Variants in LMO4 observed in about 807,000 individuals in gnomAD.
LMO4 encodes the protein LIM domain transcription factor LMO4.
LMO4 carries 3 observed loss-of-function variants against 18.5 expected under a neutral mutation model. That is an observed-to-expected ratio of 0.16 (90% CI 0.07 to 0.42). The LOEUF (loss-of-function observed/expected upper bound fraction) is 0.42, where lower values mean the gene tolerates loss of function less well. Among genes scored for constraint, LMO4 ranks in the 10% least tolerant of loss-of-function variants. LMO4 has a pLI of 0.99. For synonymous variants in LMO4, 100 were observed against 88.1 expected (o/e 1.14, Z -0.76); for missense variants, 121 against 219.9 (o/e 0.55, Z 2.84).
At chr1:87,343,823 C>G (rs958276317) in intron 4 of LMO4, among the ~76,000 whole-genome samples, 32 of 152,274 alleles carry the variant, frequency 2.1e-4, no homozygotes, top group African/African-American at 7.7e-4. Flanking sequence ...GGTTGCAGTT[C>G]CTAATAGACT....
intron 4 of LMO4, among the ~76,000 whole-genome samples, chr1:87,341,519 T>G (rs948674368): frequency 2.6e-5 from 4 of 152,164 alleles, no homozygotes; most frequent in Non-Finnish European, 5.9e-5. Context: ...AAAATAGACT[T>G]TTTTGTCTTC....
At chr1:87,344,127 A>C (rs941451469) in intron 4 of LMO4, among the ~76,000 whole-genome samples, 3 of 152,238 alleles carry the variant, frequency 2.0e-5, no homozygotes, top group African/African-American at 7.2e-5. Context: ...AAATATGTGA[A>C]TATTTGTACA....
At chr1:87,337,828 G>A (rs969291738) in intron 2 of LMO4, among the ~76,000 whole-genome samples, 1 of 152,162 alleles carries the variant, frequency 6.6e-6, no homozygotes, top group Non-Finnish European at 1.5e-5. Flanking sequence ...TTCCTGAAGT[G>A]TCCAGCATTA....
At chr1:87,336,581 A>AC (rs1347923456) in intron 2 of LMO4, among the ~76,000 whole-genome samples, 8 of 152,350 alleles carry the variant, frequency 5.3e-5, no homozygotes, top group African/African-American at 1.9e-4. Context: ...TGTTGTTCAA[A>AC]CAGGAGCAAA....
At chr1:87,332,782 G>A (rs759668218) in intron 2 of LMO4, among the ~76,000 whole-genome samples, 1 of 152,164 alleles carries the variant, frequency 6.6e-6, no homozygotes, top group African/African-American at 2.4e-5. Context: ...TGAGAAAAAT[G>A]CTAATTATCC....
chr1:87,338,382 T>G (rs1650372787), intron 2 of LMO4, among the ~76,000 whole-genome samples: 1 of 152,246 alleles, frequency 6.6e-6, no homozygotes, highest in Non-Finnish European at 1.5e-5. Context: ...AATTTGTAAG[T>G]CCTCTTACTT....
rs1650675288 is a variant in LMO4, at chr1:87,347,742, GAT to G, written c.*2948_*2949del. 6.6e-6 allele frequency: 1 copy of G among 152,284 alleles called. No individual in the cohort carries two copies. The highest frequency in any genetic ancestry group is 2.1e-4 in the South Asian group (1 of 4,818). The allele number at this position is 152,284 out of a possible 1,614,324, so 9.4% of individuals were successfully genotyped here. A position where few individuals can be genotyped will look rare whatever the true frequency, so the allele number is the denominator to read the frequency against. On this transcript the variant is annotated 3_prime_UTR_variant, in exon 5 of 5. Transcript: ENST00000370544. ...TGTTAATGAAACAATTTTGTAAAAAGATAGTCCTCTAAAAGGGTTTAATGTTT... is the reference window on the plus strand; with the variant it reads ...TGTTAATGAAACAATTTTGTAAAAAGAGTCCTCTAAAAGGGTTTAATGTTT...
At chr1:87,333,560 C>T (rs1408727580) in intron 2 of LMO4, among the ~76,000 whole-genome samples, 2 of 152,110 alleles carry the variant, frequency 1.3e-5, no homozygotes, top group Non-Finnish European at 2.9e-5. Flanking sequence ...ATGTTTACCC[C>T]AGTGATATCA....
Position 87,339,554 on chromosome 1 carries a change from T to C in LMO4, c.255T>C (p.Gly85=), listed in dbSNP as rs199957130. 12 of 1,613,824 alleles carry C rather than the reference T, an allele frequency of 7.4e-6. No homozygotes were observed. In the East Asian group the frequency reaches 2.5e-4, roughly 33 times the overall value. ...NDYIRLFGNS[G]ACSACGQSIP... ...GTTTCAGGTTATTTGGAAATAGCGG[T>C]GCTTGCAGCGCTTGCGGACAGTCGA... Residue 85 remains glycine, a synonymous_variant, in exon 3 of 5, where the codon GGT becomes GGC. Transcript: ENST00000370544.
rs201285562 is a variant in LMO4 at position 87,346,658 on chromosome 1, G to GA, written c.*1872dup. On this transcript the variant is annotated 3_prime_UTR_variant, in exon 5 of 5. Transcript: ENST00000370544. ...TGTTTTCAGAGATTCCAGGGCAGGG[G>GA]AAAAAAAAAATCAGTTGAACTTCAA... 0.016 allele frequency: 2,378 copies of GA among 148,876 alleles called. 30 individuals are homozygous for GA. Among genetic ancestry groups the GA allele is most frequent in the South Asian group, 0.06 (285 of 4,728 alleles). 9.2% of individuals were successfully genotyped at this position (148,876 alleles called of 1,614,324 possible).
chr1:87,346,731 T>A lies in LMO4; in HGVS notation c.*1935T>A, dbSNP rs959210459. On this transcript the variant is annotated 3_prime_UTR_variant, in exon 5 of 5. Coordinates refer to ENST00000370544, the MANE Select transcript of LMO4 (RefSeq NM_006769.4). ...GGCATAGAGTTGAGGTGAATAGTTTTGTTAGAACCTTATAAAAATAAAATG... is the reference window on the plus strand; with the variant it reads ...GGCATAGAGTTGAGGTGAATAGTTTAGTTAGAACCTTATAAAAATAAAATG... 1.3e-5 allele frequency: 2 copies of A among 152,238 alleles called. No homozygotes were observed. Among genetic ancestry groups the A allele is most frequent in the African/African-American group, 4.8e-5 (2 of 41,452 alleles). The allele number at this position is 152,238 out of a possible 1,614,324, so 9.4% of individuals were successfully genotyped here. A position where few individuals can be genotyped will look rare whatever the true frequency, so the allele number is the denominator to read the frequency against.
Position 87,332,000 on chromosome 1 carries a change from C to G in LMO4, c.-3-13C>G, listed in dbSNP as rs372749643. ...TTGTCTTTCTCTCCCTGTCCCCTTC[C>G]CGCCCTCTGCAGACCATGGTGAATC... is the stretch of plus-strand genomic sequence containing the variant. On this transcript the variant is annotated splice_polypyrimidine_tract_variant and intron_variant, in intron 1 of 4. Transcript: ENST00000370544. 1.5e-5 allele frequency: 24 copies of G among 1,606,032 alleles called. No homozygotes were observed. The highest frequency in any genetic ancestry group is 2.0e-5 in the Non-Finnish European group (24 of 1,176,078).
At position 87,345,701 on chromosome 1, in the gene LMO4, G is replaced by A. The variant is rs567492553; in HGVS notation, c.*905G>A. ...TTGAAGGAGTTGAGGGAGGTGGAGTGTATATTTATTTAGCTCTGGGCCAGT... is the reference window on the plus strand; with the variant it reads ...TTGAAGGAGTTGAGGGAGGTGGAGTATATATTTATTTAGCTCTGGGCCAGT... On this transcript the variant is annotated 3_prime_UTR_variant, in exon 5 of 5. Coordinates refer to ENST00000370544, the MANE Select transcript of LMO4 (RefSeq NM_006769.4). 1 of 152,148 alleles carries A rather than the reference G, an allele frequency of 6.6e-6. No homozygotes were observed. Among genetic ancestry groups the A allele is most frequent in the Non-Finnish European group, 1.5e-5 (1 of 68,030 alleles). 9.4% of individuals were successfully genotyped at this position (152,148 alleles called of 1,614,324 possible). A position where few individuals can be genotyped will look rare whatever the true frequency, so the allele number is the denominator to read the frequency against.
At chr1:87,330,492 T>G (rs555049453) in intron 1 of LMO4, among the ~76,000 whole-genome samples, 47 of 152,346 alleles carry the variant, frequency 3.1e-4, no homozygotes, top group African/African-American at 1.1e-3. Context: ...TTCCAAAGTC[T>G]CAGGGTTTTG....
intron 4 of LMO4, among the ~76,000 whole-genome samples, chr1:87,344,096 T>C (rs919208801): frequency 6.6e-6 from 1 of 152,336 alleles, no homozygotes; most frequent in Non-Finnish European, 1.5e-5. Flanking sequence ...TTAAGTGACA[T>C]AGCAGATAAG....
chr1:87,344,883 CT>C lies in LMO4; in HGVS notation c.*90del. On this transcript the variant is annotated 3_prime_UTR_variant, in exon 5 of 5. Transcript: ENST00000370544. ...CATGTGTCTTCAGTAGACAAGTCAC[CT>C]TTGTAGCTAGCACCAGTGCCAGCTC... 1.5e-6 allele frequency: 2 copies of C among 1,355,650 alleles called. No homozygotes were observed. The highest frequency in any genetic ancestry group is 2.1e-6 in the Non-Finnish European group (2 of 946,804). The allele number at this position is 1,355,650 out of a possible 1,614,324, so 84.0% of individuals were successfully genotyped here.
At chr1:87,335,407 C>T (rs1234629791) in intron 2 of LMO4, among the ~76,000 whole-genome samples, 1 of 151,928 alleles carries the variant, frequency 6.6e-6, no homozygotes, top group Non-Finnish European at 1.5e-5. Context: ...GGGCCGGCGC[C>T]GCCCGAGGCC....
At chr1:87,343,696 A>G (rs1253641982) in intron 4 of LMO4, among the ~76,000 whole-genome samples, 2 of 152,190 alleles carry the variant, frequency 1.3e-5, no homozygotes, top group African/African-American at 4.8e-5. Context: ...CATTTATTAA[A>G]TATGCTTGCT....
chr1:87,335,037 A>AGG (rs143075026), intron 2 of LMO4, among the ~76,000 whole-genome samples: 843 of 80,330 alleles, frequency 0.01, 7 homozygotes, highest in Non-Finnish European at 0.02. Context: ...GAAAGAATGA[A>AGG]GGGGGGGGGG....
Sources: gnomAD v4.1 joint callset for allele counts (sites outside exome capture counted in the v4.1 genomes callset) on GRCh38, gnomAD v4.1.1 for gene constraint, MANE v1.5 for transcripts, NCBI Gene and HGNC (gene_info 2026-07-23, HGNC 2026-07-21) for gene names.